The following PDE8A variants were observed in gnomAD, a reference collection of about 807,000 sequenced individuals.
The protein encoded by PDE8A is high affinity cAMP-specific and IBMX-insensitive 3',5'-cyclic phosphodiesterase 8A.
Under a neutral mutation model 105.0 loss-of-function variants are expected in PDE8A, and 59 were observed. The observed-to-expected ratio is 0.56, with a 90% CI of 0.46 to 0.70. PDE8A has a LOEUF of 0.70. PDE8A is among the 30% of genes least tolerant of loss of function. The probability of loss-of-function intolerance (pLI) is 0.00; values close to 1 mark genes in which losing one functional copy is unlikely to be tolerated. For missense variants in PDE8A, 1,014 were observed against 1,045.9 expected (o/e 0.97, Z 0.42); for synonymous variants, 355 against 371.9 (o/e 0.95, Z 0.52).
chr15:85,012,844 TA>T (rs1434372879), intron 1 of PDE8A, among the ~76,000 whole-genome samples: 1 of 152,222 alleles, frequency 6.6e-6, no homozygotes, highest in Admixed American at 6.5e-5. Flanking sequence ...AATACCCAGT[TA>T]TACAATTTAC....
rs535871416 is a variant in PDE8A at position 85,093,922 on chromosome 15, C to T, written c.852+2741C>T. On this transcript the variant is annotated intron_variant, in intron 8 of 21. Transcript: ENST00000394553. ...TCACCCAGGCTGGAGTGCGGTGGCA[C>T]GATCTTGGCTCACTGCAGCCTTGAT... Among the ~76,000 whole-genome samples the T allele has an allele frequency of 3.9e-5, 6 of 151,990 alleles. No homozygotes were observed. In the South Asian group the frequency reaches 1.2e-3, roughly 32 times the overall value.
Position 85,065,291 on chromosome 15 carries a change from A to G in PDE8A, c.243+865A>G, listed in dbSNP as rs544017282. ...ACCAATTGATGAACAATGAGATCACATGGACACAGGAAGGGGAATATCACA... is the reference window on the plus strand; with the variant it reads ...ACCAATTGATGAACAATGAGATCACGTGGACACAGGAAGGGGAATATCACA... On this transcript the variant is annotated intron_variant, in intron 2 of 21. Transcript: ENST00000394553. 3.7e-5 allele frequency among the ~76,000 whole-genome samples: 5 copies of G among 136,290 alleles called. No individual in the cohort carries two copies. In the East Asian group the frequency reaches 8.9e-4, roughly 24 times the overall value. The allele number at this position is 136,290 out of a possible 152,430, so 89.4% of individuals were successfully genotyped here. A position where few individuals can be genotyped will look rare whatever the true frequency, so the allele number is the denominator to read the frequency against.
chr15:85,087,905 A>G (rs967554668), intron 6 of PDE8A, among the ~76,000 whole-genome samples: 1 of 152,160 alleles, frequency 6.6e-6, no homozygotes, highest in Non-Finnish European at 1.5e-5. Flanking sequence ...TTTTCTATAA[A>G]ATAGAATGTT....
At chr15:85,100,484 A>G (rs2081843603) in intron 11 of PDE8A, among the ~76,000 whole-genome samples, 1 of 152,192 alleles carries the variant, frequency 6.6e-6, no homozygotes, top group South Asian at 2.1e-4. Context: ...TTATAACCTG[A>G]TTTATACTTT....
chr15:85,014,931 T>A (rs931698628), intron 1 of PDE8A, among the ~76,000 whole-genome samples: 6 of 152,132 alleles, frequency 3.9e-5, no homozygotes, highest in African/African-American at 1.4e-4. Flanking sequence ...CTCCTGCCCC[T>A]TTACCCGCTA....
chr15:85,024,643 G>C (rs545519733), intron 1 of PDE8A, among the ~76,000 whole-genome samples: 2 of 152,226 alleles, frequency 1.3e-5, no homozygotes, highest in East Asian at 1.9e-4. Context: ...AGCAGAGGGG[G>C]TCAAAAGAAA....
intron 1 of PDE8A, among the ~76,000 whole-genome samples, chr15:85,028,009 ACGT>A (rs2080546863): frequency 6.6e-6 from 1 of 152,248 alleles, no homozygotes; most frequent in Non-Finnish European, 1.5e-5. Flanking sequence ...TGAACGCTTA[ACGT>A]TGCTGGCAAC....
chr15:85,066,583 A>AACACACACACACACACACACACACACAC (rs57124766), intron 2 of PDE8A, among the ~76,000 whole-genome samples: 1 of 116,942 alleles, frequency 8.6e-6, no homozygotes, highest in Non-Finnish European at 1.8e-5. Flanking sequence ...ATCCCCCCAA[A>AACACACACACACACACACACACACACAC]ACACACACAC....
intron 8 of PDE8A, among the ~76,000 whole-genome samples, chr15:85,091,635 A>G (rs1237421052): frequency 6.6e-6 from 1 of 152,222 alleles, no homozygotes; most frequent in Non-Finnish European, 1.5e-5. Flanking sequence ...TGGTATGGAA[A>G]GAAGAGCAAA....
chr15:85,021,301 G>A (rs1436987427), intron 1 of PDE8A, among the ~76,000 whole-genome samples: 3 of 152,136 alleles, frequency 2.0e-5, no homozygotes, highest in African/African-American at 7.2e-5. Context: ...CAGCAATTTG[G>A]GAAGCTGAGG....
intron 1 of PDE8A, among the ~76,000 whole-genome samples, chr15:85,021,468 G>C (rs982513168): frequency 1.3e-5 from 2 of 152,060 alleles, no homozygotes; most frequent in Admixed American, 6.6e-5. Context: ...AGAGGTGGGA[G>C]GATTGCTTGT....
intron 20 of PDE8A, among the ~76,000 whole-genome samples, chr15:85,130,066 G>C (rs2082309598): frequency 6.6e-6 from 1 of 152,190 alleles, no homozygotes; most frequent in Non-Finnish European, 1.5e-5. Context: ...CATCTGCTCA[G>C]CTTCCGGTGA....
At chr15:85,064,498 A>C (rs2081191296) in intron 2 of PDE8A, 72 bp downstream of exon 2, 2 of 956,608 alleles carry the variant, frequency 2.1e-6, no homozygotes, top group Non-Finnish European at 3.4e-6. Context: ...AGCTAAATTT[A>C]CACATTTAAA....
chr15:85,111,018 T>C (rs1045542025), intron 12 of PDE8A, among the ~76,000 whole-genome samples: 1 of 152,236 alleles, frequency 6.6e-6, no homozygotes, highest in African/African-American at 2.4e-5. Flanking sequence ...TATTGGTCAT[T>C]TGGATAATCC....
intron 1 of PDE8A, among the ~76,000 whole-genome samples, chr15:85,023,659 C>T (rs192891179): frequency 6.6e-6 from 1 of 152,252 alleles, no homozygotes. Flanking sequence ...TTAGCATTTT[C>T]ATCATGGGAC....
intron 20 of PDE8A, among the ~76,000 whole-genome samples, chr15:85,134,785 G>C (rs1168678758): frequency 6.6e-6 from 1 of 152,192 alleles, no homozygotes; most frequent in African/African-American, 2.4e-5. Flanking sequence ...CCCATATGGA[G>C]AGCCGGAGTG....
chr15:84,983,685 A>T (rs1311531026), intron 1 of PDE8A, among the ~76,000 whole-genome samples: 1 of 152,214 alleles, frequency 6.6e-6, no homozygotes, highest in Non-Finnish European at 1.5e-5. Flanking sequence ...ACTTGGCTTT[A>T]AAAAAGTGTT....
At chr15:85,122,024 C>T (rs1357983966) in intron 18 of PDE8A, among the ~76,000 whole-genome samples, 1 of 152,132 alleles carries the variant, frequency 6.6e-6, no homozygotes, top group African/African-American at 2.4e-5. Context: ...TATCTCTCTC[C>T]CTGAAGCACT....
intron 11 of PDE8A, among the ~76,000 whole-genome samples, chr15:85,102,233 G>T (rs1404517788): frequency 6.6e-6 from 1 of 152,154 alleles, no homozygotes; most frequent in East Asian, 1.9e-4. Context: ...AGGGAGTCTG[G>T]AGAGCGTTGC....
Sources: allele counts gnomAD v4.1 joint callset (sites outside exome capture counted in the v4.1 genomes callset), GRCh38; gene constraint gnomAD v4.1.1; transcripts MANE v1.5; gene names NCBI Gene and HGNC (gene_info 2026-07-23, HGNC 2026-07-21).